ZNF805: variants seen among roughly 807,000 people sequenced by gnomAD.
The protein encoded by ZNF805 is CTC-444N24.8.
In ZNF805, 7 loss-of-function variants were observed where a neutral mutation model predicts 13.6. The observed-to-expected ratio is 0.51, with a 90% CI of 0.29 to 0.97. ZNF805 has a LOEUF of 0.97. Among genes scored for constraint, ZNF805 ranks in the 50% least tolerant of loss-of-function variants. The probability of loss-of-function intolerance (pLI) is 0.08; values close to 1 mark genes in which losing one functional copy is unlikely to be tolerated. For missense variants in ZNF805, 604 were observed against 771.0 expected (o/e 0.78, Z 2.57); for synonymous variants, 293 against 279.8 (o/e 1.05, Z -0.47).
Position 57,253,841 on chromosome 19 carries a change from A to G in ZNF805, c.1022A>G (p.Asn341Ser), listed in dbSNP as rs1367430523. The change falls in exon 4 of 4, where the codon AAT (asparagine) becomes AGT (serine). Residue 341 changes from asparagine to serine, a missense_variant. By Grantham distance (46) the Asn-to-Ser change is conservative. Around this residue, in one of 3 missense-constraint regions of ZNF805, gnomAD observed 228 missense variants for 352.8 expected, o/e 0.65. Coordinates refer to ENST00000414468, the MANE Select transcript of ZNF805 (RefSeq NM_001023563.4). The surrounding 1 kb of genome is among the most constrained non-coding windows in gnomAD (Gnocchi z 4.4). The part of the protein sequence containing the change: ...IRHYIIHSGE[N>S]PYECFECGKV... ...CACTACATCATCCACAGTGGTGAGA[A>G]TCCCTACGAGTGCTTCGAATGTGGC... The G allele has an allele frequency of 6.2e-7, 1 of 1,614,102 alleles. No individual in the cohort carries two copies. The highest frequency in any genetic ancestry group is 8.5e-7 in the Non-Finnish European group (1 of 1,180,020).
chr19:57,250,749 C>T (rs958405957), intron 3 of ZNF805, among the ~76,000 whole-genome samples: 1 of 152,228 alleles, frequency 6.6e-6, no homozygotes, highest in Non-Finnish European at 1.5e-5. Flanking sequence ...TTGACAGTGT[C>T]ATCTACTTCT....
At position 57,245,657 on chromosome 19, in the gene ZNF805, T is replaced by C. The variant is rs566147911; in HGVS notation, c.157+1608T>C. On this transcript the variant is annotated intron_variant, in intron 2 of 3. Transcript: ENST00000414468. ...AGCCGGGCGTGGTGGCGGGTGCCTG[T>C]AGTCCCAGCTACTCGGGAGGCTGAG... Among the ~76,000 whole-genome samples the C allele has an allele frequency of 3.0e-3, 444 of 150,134 alleles. 2 individuals carry two copies. The highest frequency in any genetic ancestry group is 0.01 in the African/African-American group (421 of 40,826).
At chr19:57,252,674 A>G (rs554875600) in intron 3 of ZNF805, among the ~76,000 whole-genome samples, 1 of 152,276 alleles carries the variant, frequency 6.6e-6, no homozygotes, top group South Asian at 2.1e-4. Context: ...CCTTTTCCAG[A>G]GTTCAGCTGA....
chr19:57,249,181 C>T (rs756873195), intron 3 of ZNF805, among the ~76,000 whole-genome samples: 4 of 152,172 alleles, frequency 2.6e-5, no homozygotes, highest in Non-Finnish European at 5.9e-5. Context: ...GTCCTGACAT[C>T]TTCTTGCTGG....
At chr19:57,244,921 C>A (rs2087603256) in intron 2 of ZNF805, among the ~76,000 whole-genome samples, 1 of 152,148 alleles carries the variant, frequency 6.6e-6, no homozygotes, top group African/African-American at 2.4e-5. Context: ...CTCTCACCCA[C>A]TGCCCAGCAT....
At chr19:57,248,989 A>G (rs758128827) in intron 3 of ZNF805, among the ~76,000 whole-genome samples, 1 of 152,184 alleles carries the variant, frequency 6.6e-6, no homozygotes, top group Non-Finnish European at 1.5e-5. Context: ...TGAAGTTTGT[A>G]TATGAGTTTG....
At position 57,253,719 on chromosome 19, in the gene ZNF805, C is replaced by T. The variant is rs372790554; in HGVS notation, c.900C>T (p.Ser300=). The T allele has an allele frequency of 1.6e-5, 25 of 1,609,702 alleles. No homozygotes were observed. In the East Asian group the frequency reaches 4.3e-4, roughly 27 times the overall value. ...SECGKAFTHR[S]TFVLHNRSHT... is the part of the protein sequence containing the mutation. ...GTGGAAAGGCCTTCACCCACCGCTCCACTTTTGTCTTGCATAACAGGAGCC... is the reference window on the plus strand; with the variant it reads ...GTGGAAAGGCCTTCACCCACCGCTCTACTTTTGTCTTGCATAACAGGAGCC... Residue 300 remains serine, a synonymous_variant, in exon 4 of 4, where the codon TCC becomes TCT. Transcript: ENST00000414468. This position sits in a 1 kb window ranked among gnomAD's most constrained non-coding sequence, Gnocchi z 4.4.
At position 57,256,515 on chromosome 19, in the gene ZNF805, A is replaced by C. The variant is rs2087688242; in HGVS notation, c.*1812A>C. On this transcript the variant is annotated 3_prime_UTR_variant, in exon 4 of 4. Coordinates refer to ENST00000414468, the MANE Select transcript of ZNF805 (RefSeq NM_001023563.4). ...TATTTATTTTATTTAATAGGTATAGAACTATTCAGAGTATTTCATATTGGA... is the reference window on the plus strand; with the variant it reads ...TATTTATTTTATTTAATAGGTATAGCACTATTCAGAGTATTTCATATTGGA... Among the ~76,000 whole-genome samples the C allele has an allele frequency of 6.6e-6, 1 of 152,162 alleles. No individual in the cohort carries two copies. The highest frequency in any genetic ancestry group is 6.5e-5 in the Admixed American group (1 of 15,282).
chr19:57,255,402 G>A lies in ZNF805; in HGVS notation c.*699G>A, dbSNP rs1328365080. On this transcript the variant is annotated 3_prime_UTR_variant, in exon 4 of 4. Transcript: ENST00000414468. ...GTTTTTCTGTTTTTCAAATATTCTTGCTTGGATTTTGATAGAAATTGAGTT... is the reference window on the plus strand; with the variant it reads ...GTTTTTCTGTTTTTCAAATATTCTTACTTGGATTTTGATAGAAATTGAGTT... Among the ~76,000 whole-genome samples the A allele has an allele frequency of 6.6e-6, 1 of 151,846 alleles. No individual in the cohort carries two copies. Among genetic ancestry groups the A allele is most frequent in the African/African-American group, 2.4e-5 (1 of 41,344 alleles).
rs563945159 is a variant in ZNF805 at position 57,257,834 on chromosome 19, G to A, written c.*3131G>A. ...TGATTCTCCTGCCTCAGGCTCTTGAGTAGCTGGGATTACAGGCATCCGCCA... is the reference window on the plus strand; with the variant it reads ...TGATTCTCCTGCCTCAGGCTCTTGAATAGCTGGGATTACAGGCATCCGCCA... On this transcript the variant is annotated 3_prime_UTR_variant, in exon 4 of 4. Coordinates refer to ENST00000414468, the MANE Select transcript of ZNF805 (RefSeq NM_001023563.4). 1.3e-5 allele frequency among the ~76,000 whole-genome samples: 2 copies of A among 150,136 alleles called. No individual in the cohort carries two copies. The highest frequency in any genetic ancestry group is 4.9e-5 in the African/African-American group (2 of 40,796).
In ZNF805 at chr19:57,260,757, T is replaced by C. The variant is rs148140885; in HGVS notation, c.*6054T>C. 4.3e-3 allele frequency among the ~76,000 whole-genome samples: 654 copies of C among 152,346 alleles called. 3 individuals carry two copies. Among genetic ancestry groups the C allele is most frequent in the African/African-American group, 0.014 (598 of 41,578 alleles). Reference sequence around the variant, plus strand: ...GTCTCCAGGTTGGATGTTTCTCATGTCGTTAACCACTGGTCATCCTTCCAC... The same window carrying C: ...GTCTCCAGGTTGGATGTTTCTCATGCCGTTAACCACTGGTCATCCTTCCAC... On this transcript the variant is annotated 3_prime_UTR_variant, in exon 4 of 4. Transcript: ENST00000414468.
At position 57,253,509 on chromosome 19, in the gene ZNF805, C is replaced by G. The variant is rs767278194; in HGVS notation, c.690C>G (p.Pro230=). Reference sequence around the variant, plus strand: ...AGAGGATTCACTCTGGAGTGAAGCCCTATGAATGCACAGAGTGTGGAAAAA... The same window carrying G: ...AGAGGATTCACTCTGGAGTGAAGCCGTATGAATGCACAGAGTGTGGAAAAA... ...RHERIHSGVK[P]YECTECGKTF... is the part of the protein sequence containing the mutation. Residue 230 remains proline, a synonymous_variant, in exon 4 of 4, where the codon CCC becomes CCG. Transcript: ENST00000414468. This position sits in a 1 kb window ranked among gnomAD's most constrained non-coding sequence, Gnocchi z 4.4. The G allele has an allele frequency of 2.0e-5, 33 of 1,610,342 alleles. No individual in the cohort carries two copies. Among genetic ancestry groups the G allele is most frequent in the Non-Finnish European group, 2.6e-5 (31 of 1,178,116 alleles).
chr19:57,255,512 C>A lies in ZNF805; in HGVS notation c.*809C>A, dbSNP rs2087682583. On this transcript the variant is annotated 3_prime_UTR_variant, in exon 4 of 4. Transcript: ENST00000414468. ...CCTATCTTTTCATTATTTAAATTTT[C>A]TTTGATATATTTCATTACTGTTTTA... Among the ~76,000 whole-genome samples, 1 of 151,994 alleles carries A rather than the reference C, an allele frequency of 6.6e-6. No individual in the cohort carries two copies. The highest frequency in any genetic ancestry group is 1.9e-4 in the East Asian group (1 of 5,192).
At chr19:57,245,565 G>T (rs192426567) in intron 2 of ZNF805, among the ~76,000 whole-genome samples, 2 of 150,112 alleles carry the variant, frequency 1.3e-5, no homozygotes, top group Admixed American at 6.7e-5. Flanking sequence ...GGATCACAAG[G>T]TCAGGAGATA....
In ZNF805 at chr19:57,257,974, C is replaced by T. The variant is rs1447061084; in HGVS notation, c.*3271C>T. Among the ~76,000 whole-genome samples the T allele has an allele frequency of 9.5e-5, 14 of 146,706 alleles. No homozygotes were observed. The highest frequency in any genetic ancestry group is 8.2e-4 in the Admixed American group (12 of 14,584). On this transcript the variant is annotated 3_prime_UTR_variant, in exon 4 of 4. Transcript: ENST00000414468. ...CCACCTGCCTCAGCCTCCCAAAGTGCTAGGATTACTGGTATGAGCAACCAC... is the reference window on the plus strand; with the variant it reads ...CCACCTGCCTCAGCCTCCCAAAGTGTTAGGATTACTGGTATGAGCAACCAC...
At chr19:57,243,862 T>G in intron 1 of ZNF805, 61 bp from the exon 2 acceptor site, 1 of 1,612,190 alleles carries the variant, frequency 6.2e-7, no homozygotes, top group Non-Finnish European at 8.5e-7. Context: ...TTGCACCTTT[T>G]CCAGCAAAGC....
chr19:57,241,047 C>A, intron 1 of ZNF805, 126 bp downstream of exon 1: 2 of 1,057,854 alleles, frequency 1.9e-6, no homozygotes, highest in Non-Finnish European at 2.8e-6. Flanking sequence ...AAACGTGGAG[C>A]AGGCTCGTCA....
At position 57,262,362 on chromosome 19, in the gene ZNF805, AAGTC is replaced by A. The variant is rs776043741; in HGVS notation, c.*7662_*7665del. ...CCATTGTAACCAAGAAAAAAAAAAA[AAGTC>A]AGAGTCACAGTGAAAATACTTAACA... On this transcript the variant is annotated 3_prime_UTR_variant, in exon 4 of 4. Coordinates refer to ENST00000414468, the MANE Select transcript of ZNF805 (RefSeq NM_001023563.4). 1.6e-3 allele frequency: 271 copies of A among 166,908 alleles called. No individual in the cohort carries two copies. Among genetic ancestry groups the A allele is most frequent in the Admixed American group, 2.4e-3 (36 of 15,260 alleles). 10.3% of individuals were successfully genotyped at this position (166,908 alleles called of 1,614,324 possible).
rs1162583357 is a variant in ZNF805 at position 57,248,669 on chromosome 19, G to C, written c.222G>C (p.Arg74Ser). Reference protein sequence around the residue: ...HLEHGQEPWTRKEDLSQGTCP... With the variant: ...HLEHGQEPWTSKEDLSQGTCP... ...AGCATGGGCAGGAGCCATGGACCAG[G>C]AAGGAAGACCTCTCCCAAGGCACCT... The change falls in exon 3 of 4, where the codon AGG (arginine) becomes AGC (serine). Residue 74 changes from arginine (R) to serine (S), a missense_variant. Physicochemically the swap from Arg to Ser is moderately radical, Grantham distance 110. Around this residue, in one of 3 missense-constraint regions of ZNF805, gnomAD observed 327 missense variants for 378.2 expected, o/e 0.86. Coordinates refer to ENST00000414468, the MANE Select transcript of ZNF805 (RefSeq NM_001023563.4). 19 of 1,598,888 alleles carry C rather than the reference G, an allele frequency of 1.2e-5. No individual in the cohort carries two copies. In the Admixed American group the frequency reaches 3.3e-4, roughly 28 times the overall value.
Sources: gnomAD v4.1 joint callset for allele counts (sites outside exome capture counted in the v4.1 genomes callset) on GRCh38, gnomAD v4.1.1 for gene constraint, gnomAD v4.1.1 regional missense constraint, Gnocchi (gnomAD v3.1) non-coding constraint, MANE v1.5 for transcripts, NCBI Gene and HGNC (gene_info 2026-07-23, HGNC 2026-07-21) for gene names.